RFX3: variants seen among roughly 807,000 people sequenced by gnomAD.
RFX3 encodes the protein regulatory factor X3.
RFX3 carries 14 observed loss-of-function variants against 98.6 expected under a neutral mutation model. The observed-to-expected ratio is 0.14, with a 90% CI of 0.09 to 0.22. RFX3 has a LOEUF of 0.22. Among genes scored for constraint, RFX3 ranks in the 10% least tolerant of loss-of-function variants. The pLI is 1.00. For missense variants in RFX3, 639 were observed against 926.9 expected, an observed-to-expected ratio of 0.69 and a Z score of 4.03; for synonymous variants, 383 against 328.4, an observed-to-expected ratio of 1.17 and a Z score of -1.80.
intron 2 of RFX3, among the ~76,000 whole-genome samples, chr9:3,378,555 C>CTTTTTTTTTTTTTTTTTT (rs869126415): frequency 2.4e-5 from 3 of 125,082 alleles, no homozygotes; most frequent in African/African-American, 5.9e-5. Context: ...TTTTTTCTTT[C>CTTTTTTTTTTTTTTTTTT]TTTTTTTTTT....
At chr9:3,306,774 T>C (rs1829375152) in intron 4 of RFX3, among the ~76,000 whole-genome samples, 1 of 151,422 alleles carries the variant, frequency 6.6e-6, no homozygotes, top group African/African-American at 2.4e-5. Flanking sequence ...AAAAGAAAAT[T>C]GACAAATAAT....
intron 1 of RFX3, among the ~76,000 whole-genome samples, chr9:3,465,514 G>A (rs372545981): frequency 1.1e-3 from 162 of 144,618 alleles, no homozygotes; most frequent in African/African-American, 3.9e-3. Context: ...ATTTTAGCCA[G>A]CCTGGTCTTG....
chr9:3,424,401 G>C (rs573202644), intron 1 of RFX3, among the ~76,000 whole-genome samples: 1 of 106,350 alleles, frequency 9.4e-6, no homozygotes, highest in Non-Finnish European at 1.7e-5. Flanking sequence ...TCGCTCTGTC[G>C]CCCAGGCTGG....
chr9:3,354,802 A>G (rs979494468), intron 2 of RFX3, among the ~76,000 whole-genome samples: 3 of 152,000 alleles, frequency 2.0e-5, no homozygotes, highest in African/African-American at 7.2e-5. Flanking sequence ...TAGGTAAGTT[A>G]TAGGGATTTT....
chr9:3,449,636 G>A (rs998799942), intron 1 of RFX3, among the ~76,000 whole-genome samples: 11 of 152,258 alleles, frequency 7.2e-5, no homozygotes, highest in African/African-American at 2.4e-4. Context: ...AGGAGCTCCT[G>A]AGCTCAGGAG....
chr9:3,424,647 A>G (rs1340427994), intron 1 of RFX3, among the ~76,000 whole-genome samples: 1 of 151,942 alleles, frequency 6.6e-6, no homozygotes, highest in Non-Finnish European at 1.5e-5. Flanking sequence ...GGCGTGAGCC[A>G]CCGCGCCCGG....
chr9:3,291,950 G>C, intron 6 of RFX3, among the ~76,000 whole-genome samples: 1 of 151,208 alleles, frequency 6.6e-6, no homozygotes, highest in Non-Finnish European at 1.5e-5. Flanking sequence ...TCAGCTACTT[G>C]GGAGGCTAAG....
At position 3,446,405 on chromosome 9, in the gene RFX3, C is replaced by A. The variant is rs565496936; in HGVS notation, c.-8-50809G>T. On this transcript the variant is annotated intron_variant, in intron 1 of 16. Transcript: ENST00000617270. ...AGTAAAGGTAATATATAATTTGATG[C>A]AAGAATTAATTCTCAAGAATGTAAA... is the stretch of plus-strand genomic sequence containing the variant. Among the ~76,000 whole-genome samples, 4 of 152,036 alleles carry A rather than the reference C, an allele frequency of 2.6e-5. No individual in the cohort carries two copies. In the South Asian group the frequency reaches 8.3e-4, roughly 32 times the overall value.
chr9:3,505,218 A>ATATTTATATATGAATATATATT (rs1816831989), intron 1 of RFX3, among the ~76,000 whole-genome samples: 1 of 73,814 alleles, frequency 1.4e-5, no homozygotes, highest in Non-Finnish European at 2.2e-5. Flanking sequence ...ATATGAATAT[A>ATATTTATATATGAATATATATT]TATTTATATA....
chr9:3,400,304 G>C, intron 1 of RFX3: 1 of 551,262 alleles, frequency 1.8e-6, no homozygotes, highest in Non-Finnish European at 2.3e-6. Flanking sequence ...GAATAGAGTA[G>C]GGGAAATAAG....
At chr9:3,443,309 T>C (rs185574332) in intron 1 of RFX3, among the ~76,000 whole-genome samples, 1 of 152,176 alleles carries the variant, frequency 6.6e-6, no homozygotes, top group Non-Finnish European at 1.5e-5. Context: ...ACCTAGATAT[T>C]AAGCCCAGCA....
chr9:3,325,206 A>G (rs1831775548), intron 4 of RFX3, among the ~76,000 whole-genome samples: 1 of 152,194 alleles, frequency 6.6e-6, no homozygotes, highest in Non-Finnish European at 1.5e-5. Context: ...TTGAAGAGCT[A>G]AACATATTTA....
chr9:3,425,513 A>AT (rs1843932359), intron 1 of RFX3, among the ~76,000 whole-genome samples: 1 of 152,162 alleles, frequency 6.6e-6, no homozygotes, highest in South Asian at 2.1e-4. Context: ...TCTCTGTACC[A>AT]TATCGTTCCC....
intron 1 of RFX3, among the ~76,000 whole-genome samples, chr9:3,495,344 G>C (rs984403830): frequency 6.6e-5 from 10 of 151,984 alleles, no homozygotes; most frequent in African/African-American, 2.4e-4. Context: ...GTGGTCAACT[G>C]TACTGTACCA....
intron 1 of RFX3, among the ~76,000 whole-genome samples, chr9:3,456,595 A>G (rs754788639): frequency 6.6e-6 from 1 of 152,200 alleles, no homozygotes; most frequent in African/African-American, 2.4e-5. Context: ...CTCCAAGCTG[A>G]CATCAATTCA....
intron 1 of RFX3, among the ~76,000 whole-genome samples, chr9:3,422,367 CAT>C (rs1029635017): frequency 6.6e-6 from 1 of 152,168 alleles, no homozygotes; most frequent in Non-Finnish European, 1.5e-5. Context: ...TGGAAGTTCA[CAT>C]GTGTGTGTAT....
intron 1 of RFX3, among the ~76,000 whole-genome samples, chr9:3,411,259 G>C (rs1159436031): frequency 1.3e-5 from 2 of 152,110 alleles, no homozygotes; most frequent in Non-Finnish European, 2.9e-5. Flanking sequence ...AATTAAGACA[G>C]CAATGGAATT....
intron 2 of RFX3, among the ~76,000 whole-genome samples, chr9:3,376,792 C>G (rs1205978635): frequency 2.5e-4 from 37 of 149,654 alleles, no homozygotes; most frequent in South Asian, 4.3e-4. Context: ...AGGACATGAA[C>G]AGACACTTCT....
intron 2 of RFX3, among the ~76,000 whole-genome samples, chr9:3,349,509 A>C (rs976928889): frequency 6.6e-6 from 1 of 151,968 alleles, no homozygotes; most frequent in Non-Finnish European, 1.5e-5. Flanking sequence ...CAAAGCCAAA[A>C]CTATAAAACA....
Sources: allele counts gnomAD v4.1 joint callset (sites outside exome capture counted in the v4.1 genomes callset), GRCh38; gene constraint gnomAD v4.1.1; transcripts MANE v1.5; gene names NCBI Gene and HGNC (gene_info 2026-07-23, HGNC 2026-07-21).